The following ELMO1 variants were observed in gnomAD, a reference collection of about 807,000 sequenced individuals.
The protein encoded by ELMO1 is engulfment and cell motility protein 1.
A neutral mutation model predicts 98.9 loss-of-function variants in ELMO1; 26 were observed. That is an observed-to-expected ratio of 0.26 (90% CI 0.19 to 0.36). The LOEUF (loss-of-function observed/expected upper bound fraction) is 0.36. Ranked by LOEUF, ELMO1 falls within the 10% of genes least tolerant of loss-of-function variation. The pLI is 1.00. For missense variants in ELMO1, 627 were observed against 935.2 expected (o/e 0.67, Z 4.30); for synonymous variants, 346 against 346.0 (o/e 1.00, Z 0.00).
intron 16 of ELMO1, among the ~76,000 whole-genome samples, chr7:36,919,604 G>T (rs958437722): frequency 6.6e-6 from 1 of 152,164 alleles, no homozygotes; most frequent in African/African-American, 2.4e-5. Context: ...AACAGAGTAG[G>T]CCTGGCAACT....
intron 19 of ELMO1, among the ~76,000 whole-genome samples, chr7:36,873,890 A>AC (rs1355386512): frequency 4.6e-5 from 7 of 152,366 alleles, no homozygotes; most frequent in African/African-American, 1.7e-4. Flanking sequence ...TCAGGCAGAA[A>AC]CCATTCAAAG....
intron 4 of ELMO1, among the ~76,000 whole-genome samples, chr7:37,274,615 C>T (rs773104093): frequency 1.3e-5 from 2 of 152,118 alleles, no homozygotes; most frequent in African/African-American, 2.4e-5. Flanking sequence ...TGCAGTGGCA[C>T]GATCTGGGCT....
intron 16 of ELMO1, among the ~76,000 whole-genome samples, chr7:36,918,988 A>G (rs1784926017): frequency 6.6e-6 from 1 of 152,144 alleles, no homozygotes; most frequent in Non-Finnish European, 1.5e-5. Flanking sequence ...TCATTCATTC[A>G]TTCATTCAGT....
chr7:37,109,517 G>A (rs77660454), intron 14 of ELMO1, among the ~76,000 whole-genome samples: 2,993 of 152,064 alleles, frequency 0.02, 107 homozygotes, highest in African/African-American at 0.069. Context: ...GCACTCCTCC[G>A]CCGCCCCCCT....
chr7:37,042,746 T>C (rs979447220), intron 15 of ELMO1, among the ~76,000 whole-genome samples: 13 of 152,200 alleles, frequency 8.5e-5, no homozygotes, highest in African/African-American at 2.9e-4. Flanking sequence ...GGCTGTTCCC[T>C]TGGCCTGGAA....
chr7:37,131,951 C>G lies in ELMO1; in HGVS notation c.1191+1179G>C, dbSNP rs192335441. Among the ~76,000 whole-genome samples the G allele has an allele frequency of 9.2e-5, 14 of 152,278 alleles. 1 individual carries two copies. The highest frequency in any genetic ancestry group is 9.2e-4 in the Admixed American group (14 of 15,300). On this transcript the variant is annotated intron_variant, in intron 14 of 21. Coordinates refer to ENST00000310758, the MANE Select transcript of ELMO1 (RefSeq NM_014800.11). ...TCAAGGAGGTCACTGCTGGGTGGTA[C>G]AGTTTTTCACTGTGCCGACGGTCCC...
intron 4 of ELMO1, among the ~76,000 whole-genome samples, chr7:37,304,531 C>T (rs1029519127): frequency 3.3e-5 from 5 of 152,130 alleles, no homozygotes; most frequent in African/African-American, 1.2e-4. Context: ...GCCTGACCAA[C>T]ATGGTGAAAC....
intron 1 of ELMO1, among the ~76,000 whole-genome samples, chr7:37,369,566 A>G (rs1004798872): frequency 1.3e-5 from 2 of 152,104 alleles, no homozygotes; most frequent in Admixed American, 6.6e-5. Flanking sequence ...AACTATTTGA[A>G]TGAAAAAGAA....
chr7:37,180,810 G>A (rs562514429), intron 13 of ELMO1, among the ~76,000 whole-genome samples: 5 of 131,126 alleles, frequency 3.8e-5, no homozygotes, highest in Non-Finnish European at 7.5e-5. Context: ...ACACACATAT[G>A]CGCACACACA....
At chr7:37,184,511 C>T (rs929650) in intron 13 of ELMO1, among the ~76,000 whole-genome samples, 151,853 of 152,344 alleles carry the variant, frequency 1, 75,684 homozygotes, top group Middle Eastern at 1. Context: ...AAAGTGAATA[C>T]GTTGACTGAA....
intron 13 of ELMO1, among the ~76,000 whole-genome samples, chr7:37,163,786 C>T (rs9691485): frequency 0.038 from 5,789 of 152,088 alleles, 387 homozygotes; most frequent in African/African-American, 0.13. Context: ...TGAATAGTGC[C>T]GCAATAAACA....
At chr7:37,162,854 G>C (rs1394870897) in intron 13 of ELMO1, among the ~76,000 whole-genome samples, 1 of 152,062 alleles carries the variant, frequency 6.6e-6, no homozygotes, top group African/African-American at 2.4e-5. Context: ...TTTTCCACTA[G>C]ACATCTACTG....
At chr7:37,070,748 C>G (rs1202245293) in intron 15 of ELMO1, among the ~76,000 whole-genome samples, 7 of 152,156 alleles carry the variant, frequency 4.6e-5, no homozygotes, top group African/African-American at 1.7e-4. Flanking sequence ...CCTGGCTCAC[C>G]CTGTGGAACT....
chr7:36,859,959 T>C (rs1019575762), intron 21 of ELMO1, among the ~76,000 whole-genome samples: 2 of 152,110 alleles, frequency 1.3e-5, no homozygotes, highest in Non-Finnish European at 2.9e-5. Context: ...TCCTCTTCCT[T>C]CTCCCTCATC....
chr7:36,856,661 G>A (rs1034151546), intron 21 of ELMO1, among the ~76,000 whole-genome samples: 7 of 152,268 alleles, frequency 4.6e-5, no homozygotes, highest in Middle Eastern at 6.8e-3. Context: ...CCAGAGGCTG[G>A]AGTTCTGTAC....
chr7:37,100,498 G>C (rs1366154927), intron 14 of ELMO1, among the ~76,000 whole-genome samples: 1 of 152,136 alleles, frequency 6.6e-6, no homozygotes, highest in Non-Finnish European at 1.5e-5. Context: ...TGGCTCTCTT[G>C]CCCTCCTTGC....
chr7:37,150,865 T>C (rs1190512090), intron 13 of ELMO1, among the ~76,000 whole-genome samples: 2 of 152,246 alleles, frequency 1.3e-5, no homozygotes, highest in African/African-American at 2.4e-5. Flanking sequence ...ACTAGGGGTA[T>C]GCCCACTGTT....
At chr7:37,218,213 AT>A (rs746934964) in intron 10 of ELMO1, among the ~76,000 whole-genome samples, 1 of 152,196 alleles carries the variant, frequency 6.6e-6, no homozygotes, top group Non-Finnish European at 1.5e-5. Flanking sequence ...ACGGAAAAAA[AT>A]ATTTCTGTTC....
intron 4 of ELMO1, among the ~76,000 whole-genome samples, chr7:37,299,759 T>G (rs1267766722): frequency 2.1e-5 from 1 of 48,010 alleles, no homozygotes; most frequent in African/African-American, 5.0e-5. Flanking sequence ...GGCCTCTTTT[T>G]TGGTTCCATA....
Sources: gnomAD v4.1 joint callset for allele counts (sites outside exome capture counted in the v4.1 genomes callset) on GRCh38, gnomAD v4.1.1 for gene constraint, MANE v1.5 for transcripts, NCBI Gene and HGNC (gene_info 2026-07-23, HGNC 2026-07-21) for gene names.